Variants in ARHGAP24 observed in about 807,000 individuals in gnomAD.
ARHGAP24 encodes the protein Rho GTPase activating protein 24.
ARHGAP24 carries 50 observed loss-of-function variants against 76.4 expected under a neutral mutation model. The ratio of observed to expected loss-of-function variants is 0.65; its 90% confidence interval spans 0.52 to 0.83. ARHGAP24 has a LOEUF of 0.83. Ranked by LOEUF, ARHGAP24 falls within the 40% of genes least tolerant of loss-of-function variation. The pLI is 0.00. For synonymous variants in ARHGAP24, 345 were observed against 323.3 expected, an observed-to-expected ratio of 1.07 and a Z score of -0.72; for missense variants, 930 against 914.2, an observed-to-expected ratio of 1.02 and a Z score of -0.22.
intron 3 of ARHGAP24, among the ~76,000 whole-genome samples, chr4:85,808,824 T>A (rs1286285985): frequency 6.7e-6 from 1 of 150,274 alleles, no homozygotes; most frequent in Middle Eastern, 3.2e-3. Flanking sequence ...CCAAAAGAAA[T>A]AGCAACTAAG....
At chr4:85,770,202 A>T (rs1727082870) in intron 3 of ARHGAP24, among the ~76,000 whole-genome samples, 1 of 152,206 alleles carries the variant, frequency 6.6e-6, no homozygotes, top group South Asian at 2.1e-4. Flanking sequence ...GTAAATGTGG[A>T]TTCACTCTTA....
At chr4:85,996,184 C>A (rs60107017) in intron 9 of ARHGAP24, among the ~76,000 whole-genome samples, 10,321 of 152,168 alleles carry the variant, frequency 0.068, 1,217 homozygotes, top group African/African-American at 0.24. Flanking sequence ...TGAGAGAGGC[C>A]ATAAGAGCCA....
chr4:85,577,818 G>A (rs985049720), intron 2 of ARHGAP24, among the ~76,000 whole-genome samples: 4 of 152,208 alleles, frequency 2.6e-5, no homozygotes, highest in African/African-American at 7.2e-5. Context: ...GATGGTATCC[G>A]TAGCTGCTGG....
intron 5 of ARHGAP24, among the ~76,000 whole-genome samples, chr4:85,948,558 T>A (rs17011264): frequency 0.044 from 6,737 of 152,294 alleles, 521 homozygotes; most frequent in African/African-American, 0.15. Flanking sequence ...TAAGCAGTTA[T>A]CTCCAAATCA....
rs570994086 is a variant in ARHGAP24 at position 85,654,268 on chromosome 4, A to C, written c.181-67617A>C. 1.2e-3 allele frequency among the ~76,000 whole-genome samples: 188 copies of C among 152,200 alleles called. 1 individual carries two copies. Among genetic ancestry groups the C allele is most frequent in the Non-Finnish European group, 2.3e-3 (156 of 68,012 alleles). On this transcript the variant is annotated intron_variant, in intron 2 of 9. Transcript: ENST00000395184. The stretch of plus-strand genomic sequence containing the variant: ...CACCTGGCCTTTCCTCTGTGTGTAC[A>C]GCCTGGCATCTCTCTCTTCTCTGAG...
At position 85,500,791 on chromosome 4, in the gene ARHGAP24, T is replaced by C. The variant is rs546167013; in HGVS notation, c.-21+25232T>C. Among the ~76,000 whole-genome samples the C allele has an allele frequency of 5.3e-5, 8 of 152,236 alleles. No homozygotes were observed. In the East Asian group the frequency reaches 1.5e-3, roughly 29 times the overall value. On this transcript the variant is annotated intron_variant, in intron 1 of 9. Coordinates refer to ENST00000395184, the MANE Select transcript of ARHGAP24 (RefSeq NM_001025616.3). Reference sequence around the variant, plus strand: ...GGGAGGTTTGTTACATAGGTATACATGTGCCATGTTGGTTTGCTGCACCCA... The same window carrying C: ...GGGAGGTTTGTTACATAGGTATACACGTGCCATGTTGGTTTGCTGCACCCA...
At chr4:85,606,315 C>T (rs889318850) in intron 2 of ARHGAP24, among the ~76,000 whole-genome samples, 13 of 152,008 alleles carry the variant, frequency 8.6e-5, no homozygotes, top group African/African-American at 2.9e-4. Flanking sequence ...AGATCGAGAC[C>T]ATCCTGGCTA....
chr4:85,929,359 T>C (rs1736192786), intron 4 of ARHGAP24, among the ~76,000 whole-genome samples: 1 of 152,184 alleles, frequency 6.6e-6, no homozygotes, highest in Non-Finnish European at 1.5e-5. Context: ...GGAAAGACCT[T>C]TTTAATACTC....
At position 85,965,103 on chromosome 4, in the gene ARHGAP24, C is replaced by G. The variant is rs113809258; in HGVS notation, c.600-6933C>G. Among the ~76,000 whole-genome samples the G allele has an allele frequency of 3.8e-3, 575 of 152,116 alleles. 8 individuals are homozygous for G. The highest frequency in any genetic ancestry group is 0.013 in the African/African-American group (546 of 41,502). On this transcript the variant is annotated intron_variant, in intron 5 of 9. Transcript: ENST00000395184. Reference sequence around the variant, plus strand: ...TTTTCATGCTACTGATAAAGACATACCGGAGACTGCGCAATTCACAAAAGA... The same window carrying G: ...TTTTCATGCTACTGATAAAGACATAGCGGAGACTGCGCAATTCACAAAAGA...
At chr4:85,627,224 A>G (rs1296594709) in intron 2 of ARHGAP24, among the ~76,000 whole-genome samples, 1 of 151,876 alleles carries the variant, frequency 6.6e-6, no homozygotes, top group Non-Finnish European at 1.5e-5. Flanking sequence ...TTGGTCTTTG[A>G]TGATGGTGAC....
At chr4:85,945,775 A>C (rs1188486402) in intron 5 of ARHGAP24, among the ~76,000 whole-genome samples, 2 of 151,848 alleles carry the variant, frequency 1.3e-5, no homozygotes, top group East Asian at 3.9e-4. Context: ...AAAAAAAAAA[A>C]AAAATTATAC....
intron 2 of ARHGAP24, among the ~76,000 whole-genome samples, chr4:85,689,941 C>T (rs559226463): frequency 2.4e-4 from 30 of 125,028 alleles, no homozygotes; most frequent in Non-Finnish European, 4.6e-4. Context: ...TGTCTTGTTC[C>T]ACTTCTCAGG....
chr4:85,864,736 C>G (rs1037100598), intron 3 of ARHGAP24, among the ~76,000 whole-genome samples: 1 of 151,996 alleles, frequency 6.6e-6, no homozygotes, highest in Admixed American at 6.6e-5. Context: ...CTACGCCCAT[C>G]TGCAATGAGT....
At chr4:85,536,469 C>A (rs1725476112) in intron 1 of ARHGAP24, among the ~76,000 whole-genome samples, 1 of 152,030 alleles carries the variant, frequency 6.6e-6, no homozygotes, top group Non-Finnish European at 1.5e-5. Context: ...TACCACTTAT[C>A]TTTGACTTTG....
At chr4:85,983,717 CA>C (rs1213164599) in intron 8 of ARHGAP24, among the ~76,000 whole-genome samples, 1 of 152,096 alleles carries the variant, frequency 6.6e-6, no homozygotes, top group Admixed American at 6.6e-5. Context: ...AAAACTCTCC[CA>C]AATCCATTCC....
intron 5 of ARHGAP24, among the ~76,000 whole-genome samples, chr4:85,957,049 A>G (rs901281033): frequency 6.6e-6 from 1 of 152,162 alleles, no homozygotes; most frequent in Non-Finnish European, 1.5e-5. Flanking sequence ...TTAGTATTTT[A>G]GTGAGCTTTC....
chr4:85,669,380 C>G (rs1339637772), intron 2 of ARHGAP24, among the ~76,000 whole-genome samples: 3 of 151,618 alleles, frequency 2.0e-5, no homozygotes, highest in Non-Finnish European at 4.4e-5. Flanking sequence ...CTCAATAGGC[C>G]CATTCTAATA....
intron 2 of ARHGAP24, among the ~76,000 whole-genome samples, chr4:85,580,145 A>G (rs1727550040): frequency 7.1e-6 from 1 of 141,408 alleles, no homozygotes. Flanking sequence ...GTGGGGGGGG[A>G]GGGTGATGGA....
intron 3 of ARHGAP24, among the ~76,000 whole-genome samples, chr4:85,894,327 G>T (rs1734014655): frequency 6.6e-6 from 1 of 152,094 alleles, no homozygotes; most frequent in South Asian, 2.1e-4. Context: ...CACACAAGAA[G>T]AGGGTCACTA....
Sources: gnomAD v4.1 joint callset for allele counts (sites outside exome capture counted in the v4.1 genomes callset) on GRCh38, gnomAD v4.1.1 for gene constraint, MANE v1.5 for transcripts, NCBI Gene and HGNC (gene_info 2026-07-23, HGNC 2026-07-21) for gene names.